GNAL: variants seen among roughly 807,000 people sequenced by gnomAD.
GNAL encodes the protein G protein subunit alpha L, also known as guanine nucleotide-binding protein G(olf) subunit alpha.
In GNAL, 18 loss-of-function variants were observed where a neutral mutation model predicts 55.1. The ratio of observed to expected loss-of-function variants is 0.33; its 90% CI spans 0.23 to 0.48. The LOEUF (loss-of-function observed/expected upper bound fraction) is 0.48, where lower values mean the gene tolerates loss of function less well. Among genes scored for constraint, GNAL ranks in the 20% least tolerant of loss-of-function variants. The pLI, the probability that GNAL is intolerant of heterozygous loss-of-function variation, is 0.99. For missense variants in GNAL, 412 were observed against 614.1 expected, an observed-to-expected ratio of 0.67 and a Z score of 3.48; for synonymous variants, 253 against 237.0, an observed-to-expected ratio of 1.07 and a Z score of -0.62.
intron 4 of GNAL, among the ~76,000 whole-genome samples, chr18:11,754,670 T>C: frequency 6.6e-6 from 1 of 152,228 alleles, no homozygotes; most frequent in East Asian, 1.9e-4. Flanking sequence ...TTCAGTTTAC[T>C]TTGAAGATGC....
chr18:11,792,254 C>T (rs956945031), intron 4 of GNAL, among the ~76,000 whole-genome samples: 1 of 152,078 alleles, frequency 6.6e-6, no homozygotes, highest in Admixed American at 6.6e-5. Context: ...CGTGCAATCT[C>T]AGCTTACTGC....
At chr18:11,690,028 A>ACCGGGGAGCGGCGGCGGGCC in intron 1 of GNAL, 89 bp downstream of exon 1, 1 of 744,242 alleles carries the variant, frequency 1.3e-6, no homozygotes. Context: ...GGTGGCGGGC[A>ACCGGGGAGCGGCGGCGGGCC]CCGGGGAGCG....
At chr18:11,702,979 A>T (rs541084334) in intron 1 of GNAL, among the ~76,000 whole-genome samples, 8 of 152,240 alleles carry the variant, frequency 5.3e-5, no homozygotes, top group South Asian at 2.1e-4. Context: ...TTAGATGGGC[A>T]TGGTGGCACG....
At chr18:11,819,476 CATT>C (rs1006213231) in intron 4 of GNAL, among the ~76,000 whole-genome samples, 4 of 152,130 alleles carry the variant, frequency 2.6e-5, no homozygotes, top group South Asian at 4.2e-4. Flanking sequence ...AACTTGGTAT[CATT>C]ATTTTTATTT....
intron 4 of GNAL, among the ~76,000 whole-genome samples, chr18:11,813,389 T>C (rs1282769603): frequency 1.3e-5 from 2 of 152,094 alleles, no homozygotes; most frequent in African/African-American, 2.4e-5. Context: ...CCAATCAAAA[T>C]ACCAACAGGC....
At chr18:11,705,659 T>C (rs1352284243) in intron 1 of GNAL, among the ~76,000 whole-genome samples, 3 of 152,226 alleles carry the variant, frequency 2.0e-5, no homozygotes, top group East Asian at 3.9e-4. Context: ...CTAACAGGTG[T>C]GAGGTGATAT....
At chr18:11,831,118 T>C (rs1391870747) in intron 5 of GNAL, among the ~76,000 whole-genome samples, 1 of 151,966 alleles carries the variant, frequency 6.6e-6, no homozygotes, top group Non-Finnish European at 1.5e-5. Flanking sequence ...ATCAAAATGG[T>C]GAGTTTTGTC....
intron 1 of GNAL, among the ~76,000 whole-genome samples, chr18:11,710,251 T>C (rs2031804386): frequency 6.6e-6 from 1 of 152,248 alleles, no homozygotes. Context: ...TTTCTTTTCT[T>C]GTAGTGCCTT....
rs1177437704 is a variant in GNAL, at chr18:11,883,268, A to G, written c.*2133A>G. The G allele has an allele frequency of 2.0e-5, 3 of 152,256 alleles. No individual in the cohort carries two copies. The highest frequency in any genetic ancestry group is 6.5e-5 in the Admixed American group (1 of 15,280). 9.4% of individuals were successfully genotyped at this position (152,256 alleles called of 1,614,324 possible). A position where few individuals can be genotyped will look rare whatever the true frequency, so the allele number is the denominator to read the frequency against. Reference sequence around the variant, plus strand: ...AAAGCCCTCAGCTGAACTAAGATAAATAATACAATGGAAATTATTTTCAGT... The same window carrying G: ...AAAGCCCTCAGCTGAACTAAGATAAGTAATACAATGGAAATTATTTTCAGT... On this transcript the variant is annotated 3_prime_UTR_variant, in exon 12 of 12. Transcript: ENST00000334049.
Position 11,828,790 on chromosome 18 carries a change from G to A in GNAL, c.722+3775G>A, listed in dbSNP as rs145913357. On this transcript the variant is annotated intron_variant, in intron 5 of 11. Transcript: ENST00000334049. Reference sequence around the variant, plus strand: ...GTGTGAGCTTGGCAATAGGCAGATCGGAATTCAGATTCTGGCCCCACCCCC... The same window carrying A: ...GTGTGAGCTTGGCAATAGGCAGATCAGAATTCAGATTCTGGCCCCACCCCC... Among the ~76,000 whole-genome samples the A allele has an allele frequency of 5.7e-3, 871 of 152,270 alleles. 4 individuals are homozygous for A. The highest frequency in any genetic ancestry group is 8.2e-3 in the Non-Finnish European group (560 of 68,030).
chr18:11,859,311 C>T (rs1452833208), intron 5 of GNAL, among the ~76,000 whole-genome samples: 1 of 152,192 alleles, frequency 6.6e-6, no homozygotes, highest in African/African-American at 2.4e-5. Flanking sequence ...CAGTTCAGAG[C>T]TCCCGTCCCA....
rs1184198983 is a variant in GNAL at position 11,870,341 on chromosome 18, C to T, written c.1031+1678C>T. Among the ~76,000 whole-genome samples the T allele has an allele frequency of 5.3e-5, 8 of 152,086 alleles. No individual in the cohort carries two copies. In the South Asian group the frequency reaches 8.3e-4, roughly 16 times the overall value. On this transcript the variant is annotated intron_variant, in intron 9 of 11. Coordinates refer to ENST00000334049, the MANE Select transcript of GNAL (RefSeq NM_182978.4). ...TTCGAGACCAACCTGGCCAATATGG[C>T]GAAACCCCGTCTCTACTAAAACTAC...
chr18:11,837,300 T>C (rs1008264812), intron 5 of GNAL, among the ~76,000 whole-genome samples: 8 of 152,120 alleles, frequency 5.3e-5, no homozygotes, highest in Non-Finnish European at 1.0e-4. Flanking sequence ...GATGTACATA[T>C]AGAGGTCCTT....
At chr18:11,721,775 G>A (rs1048031857) in intron 1 of GNAL, among the ~76,000 whole-genome samples, 5 of 151,842 alleles carry the variant, frequency 3.3e-5, no homozygotes, top group South Asian at 2.1e-4. Context: ...TCAAACTCCC[G>A]ACATCAGGTG....
intron 9 of GNAL, among the ~76,000 whole-genome samples, chr18:11,869,529 G>A (rs1298073353): frequency 2.0e-5 from 3 of 152,140 alleles, no homozygotes. Flanking sequence ...ATTATATTCG[G>A]CCTTCCATAT....
At chr18:11,704,713 T>G (rs2031662357) in intron 1 of GNAL, among the ~76,000 whole-genome samples, 1 of 152,218 alleles carries the variant, frequency 6.6e-6, no homozygotes, top group African/African-American at 2.4e-5. Flanking sequence ...CAAAGCTTGC[T>G]CATACCCAGA....
At chr18:11,699,317 C>T (rs897710255) in intron 1 of GNAL, among the ~76,000 whole-genome samples, 1 of 152,092 alleles carries the variant, frequency 6.6e-6, no homozygotes, top group Admixed American at 6.5e-5. Context: ...GCCTCAGCCT[C>T]CCAAGTAGCT....
chr18:11,858,903 A>T (rs61462499), intron 5 of GNAL, among the ~76,000 whole-genome samples: 55 of 152,184 alleles, frequency 3.6e-4, no homozygotes, highest in Admixed American at 1.8e-3. Context: ...CAGCCTCATC[A>T]CTGTCAGCAT....
At chr18:11,807,031 C>T (rs2034682084) in intron 4 of GNAL, among the ~76,000 whole-genome samples, 1 of 151,928 alleles carries the variant, frequency 6.6e-6, no homozygotes, top group East Asian at 1.9e-4. Flanking sequence ...TGGTGGCGCA[C>T]GCCTGTAGTT....
Sources: gnomAD v4.1 joint callset for allele counts (sites outside exome capture counted in the v4.1 genomes callset) on GRCh38, gnomAD v4.1.1 for gene constraint, MANE v1.5 for transcripts, NCBI Gene and HGNC (gene_info 2026-07-23, HGNC 2026-07-21) for gene names.